SMOC1: variants seen among roughly 807,000 people sequenced by gnomAD.
The protein encoded by SMOC1 is SPARC related modular calcium binding 1, also known as SPARC-related modular calcium-binding protein 1.
A neutral mutation model predicts 56.3 loss-of-function variants in SMOC1; 22 were observed. That is an observed-to-expected ratio of 0.39 (90% confidence interval 0.28 to 0.56). The LOEUF (loss-of-function observed/expected upper bound fraction) is 0.56. SMOC1 is among the 20% of genes least tolerant of loss of function. SMOC1 has a pLI of 0.61. For missense variants in SMOC1, 509 were observed against 565.4 expected, an observed-to-expected ratio of 0.90 and a Z score of 1.01; for synonymous variants, 193 against 215.0, an observed-to-expected ratio of 0.90 and a Z score of 0.89.
intron 5 of SMOC1, among the ~76,000 whole-genome samples, chr14:69,989,680 G>C (rs878981689): frequency 6.6e-6 from 1 of 152,240 alleles, no homozygotes; most frequent in Admixed American, 6.5e-5. Context: ...GGGATTTGGA[G>C]TGTGACTCCC....
At chr14:69,991,196 G>T (rs1884556829) in intron 5 of SMOC1, among the ~76,000 whole-genome samples, 1 of 152,154 alleles carries the variant, frequency 6.6e-6, no homozygotes, top group South Asian at 2.1e-4. Flanking sequence ...CCTCTAAGGG[G>T]TCTTGAGAAG....
intron 1 of SMOC1, among the ~76,000 whole-genome samples, chr14:69,909,798 T>C (rs1307897305): frequency 1.3e-5 from 2 of 152,218 alleles, no homozygotes; most frequent in Admixed American, 1.3e-4. Context: ...ATTTAATTTG[T>C]TTATCATTGA....
intron 1 of SMOC1, among the ~76,000 whole-genome samples, chr14:69,904,252 G>GAACTA (rs1884347993): frequency 6.6e-6 from 1 of 152,208 alleles, no homozygotes; most frequent in African/African-American, 2.4e-5. Context: ...CTTCTGTAAT[G>GAACTA]AACTAAACCT....
intron 3 of SMOC1, among the ~76,000 whole-genome samples, chr14:69,968,500 A>G (rs1222947730): frequency 6.6e-6 from 1 of 152,224 alleles, no homozygotes; most frequent in Non-Finnish European, 1.5e-5. Flanking sequence ...ATGGAAAACC[A>G]CAACTGCTCA....
At chr14:69,912,539 C>T (rs1884581178) in intron 1 of SMOC1, among the ~76,000 whole-genome samples, 1 of 152,210 alleles carries the variant, frequency 6.6e-6, no homozygotes, top group Non-Finnish European at 1.5e-5. Context: ...AGGCATGAGT[C>T]ACTGTACCCA....
chr14:69,893,836 T>A (rs537980882), intron 1 of SMOC1, among the ~76,000 whole-genome samples: 1 of 152,264 alleles, frequency 6.6e-6, no homozygotes, highest in East Asian at 1.9e-4. Flanking sequence ...AGGGCCTTGA[T>A]GAAACAATTA....
chr14:69,994,257 A>C, intron 6 of SMOC1, 143 bp from the exon 7 acceptor site: 1 of 772,096 alleles, frequency 1.3e-6, no homozygotes, highest in Non-Finnish European at 2.4e-6. Flanking sequence ...AGGGAGGGGA[A>C]CTGGGAGGAG....
chr14:69,981,783 C>T (rs1472729974), intron 5 of SMOC1, among the ~76,000 whole-genome samples: 4 of 152,172 alleles, frequency 2.6e-5, no homozygotes, highest in Admixed American at 6.5e-5. Flanking sequence ...GCAGCTTTAC[C>T]TGGCTGTACC....
intron 10 of SMOC1, among the ~76,000 whole-genome samples, chr14:70,020,818 G>T (rs547391662): frequency 6.6e-6 from 1 of 152,266 alleles, no homozygotes; most frequent in East Asian, 1.9e-4. Context: ...TCACTCTCAG[G>T]CATGGAAGGA....
intron 7 of SMOC1, 123 bp downstream of exon 7, chr14:69,994,603 A>T (rs1201656979): frequency 5.0e-6 from 4 of 800,086 alleles, no homozygotes; most frequent in Non-Finnish European, 8.7e-6. Context: ...CAATTTCTAT[A>T]GCTATAAAAT....
chr14:69,892,237 G>A (rs1459096858), intron 1 of SMOC1, among the ~76,000 whole-genome samples: 2 of 152,212 alleles, frequency 1.3e-5, no homozygotes, highest in African/African-American at 4.8e-5. Flanking sequence ...TGCACAAGCA[G>A]CAACAAATGC....
intron 1 of SMOC1, among the ~76,000 whole-genome samples, chr14:69,889,437 C>T (rs1883901221): frequency 6.6e-6 from 1 of 152,198 alleles, no homozygotes; most frequent in Admixed American, 6.5e-5. Flanking sequence ...CCCTGTATCC[C>T]AGCCAACCAG....
At chr14:69,886,097 G>T (rs1354411893) in intron 1 of SMOC1, 6 of 1,566,826 alleles carry the variant, frequency 3.8e-6, no homozygotes, top group Non-Finnish European at 5.2e-6. Flanking sequence ...GACAGCTGGG[G>T]CCGGAGCCAC....
intron 1 of SMOC1, among the ~76,000 whole-genome samples, chr14:69,899,315 G>A (rs1260359814): frequency 6.6e-6 from 1 of 152,136 alleles, no homozygotes; most frequent in Non-Finnish European, 1.5e-5. Flanking sequence ...CTGGTGGGAG[G>A]TGATTGGATC....
At chr14:69,936,405 G>A (rs1885296580) in intron 1 of SMOC1, among the ~76,000 whole-genome samples, 3 of 152,236 alleles carry the variant, frequency 2.0e-5, no homozygotes, top group Non-Finnish European at 4.4e-5. Context: ...GGGCATCTGG[G>A]CCTGTAATGC....
chr14:69,921,697 C>A (rs1478603217), intron 1 of SMOC1, among the ~76,000 whole-genome samples: 2 of 152,178 alleles, frequency 1.3e-5, no homozygotes, highest in African/African-American at 4.8e-5. Flanking sequence ...TAAGAGCATT[C>A]CCAGGGCCTG....
At chr14:69,920,201 A>AT (rs1353615427) in intron 1 of SMOC1, among the ~76,000 whole-genome samples, 3 of 152,186 alleles carry the variant, frequency 2.0e-5, no homozygotes, top group African/African-American at 7.2e-5. Flanking sequence ...AGCCCCTTCT[A>AT]TTTGGCAGTA....
intron 1 of SMOC1, among the ~76,000 whole-genome samples, chr14:69,928,390 C>T (rs2139384885): frequency 6.6e-6 from 1 of 152,354 alleles, no homozygotes; most frequent in South Asian, 2.1e-4. Context: ...AATGCAGTCT[C>T]CTCGTAGTCT....
chr14:69,955,272 G>A (rs923534342), intron 3 of SMOC1, among the ~76,000 whole-genome samples: 6 of 152,086 alleles, frequency 3.9e-5, no homozygotes, highest in African/African-American at 1.4e-4. Flanking sequence ...GGTGTGTTCT[G>A]GAAGGAGGCA....
Sources: gnomAD v4.1 joint callset for allele counts (sites outside exome capture counted in the v4.1 genomes callset) on GRCh38, gnomAD v4.1.1 for gene constraint, MANE v1.5 for transcripts, NCBI Gene and HGNC (gene_info 2026-07-23, HGNC 2026-07-21) for gene names.